The following CARMIL1 variants were observed in gnomAD, a reference collection of about 807,000 sequenced individuals.
CARMIL1 encodes F-actin-uncapping protein LRRC16A.
CARMIL1 carries 90 observed loss-of-function variants against 177.1 expected under a neutral mutation model. The ratio of observed to expected loss-of-function variants is 0.51; its 90% CI spans 0.43 to 0.61. CARMIL1 has a LOEUF of 0.61. CARMIL1 is among the 20% of genes least tolerant of loss of function. The probability of loss-of-function intolerance (pLI) is 0.00; values close to 1 mark genes in which losing one functional copy is unlikely to be tolerated. For synonymous variants in CARMIL1, 577 were observed against 606.2 expected, an observed-to-expected ratio of 0.95 and a Z score of 0.71; for missense variants, 1,380 against 1,667.0, an observed-to-expected ratio of 0.83 and a Z score of 3.00.
At chr6:25,285,105 A>T (rs1781431681) in intron 2 of CARMIL1, among the ~76,000 whole-genome samples, 196 bp downstream of exon 2, 1 of 152,188 alleles carries the variant, frequency 6.6e-6, no homozygotes, top group Non-Finnish European at 1.5e-5. Flanking sequence ...AATTTTAAAG[A>T]TCAAAGGCTT....
chr6:25,407,996 G>A lies in CARMIL1; in HGVS notation c.139-12118G>A, dbSNP rs537845982. Among the ~76,000 whole-genome samples the A allele has an allele frequency of 8.5e-5, 13 of 152,234 alleles. No individual in the cohort carries two copies. The East Asian group carries it at 2.3e-3, about 27-fold the overall frequency. ...CCTGTCACGCCAGCCTCTCTGGCCC[G>A]TGGATCACACTGTGAGGGCCAGGTG... On this transcript the variant is annotated intron_variant, in intron 2 of 36. Coordinates refer to ENST00000329474, the MANE Select transcript of CARMIL1 (RefSeq NM_017640.6).
chr6:25,316,094 T>C (rs781547963), intron 2 of CARMIL1, among the ~76,000 whole-genome samples: 1 of 152,230 alleles, frequency 6.6e-6, no homozygotes, highest in Non-Finnish European at 1.5e-5. Flanking sequence ...ATAAGGTTTG[T>C]AGATAACATT....
At chr6:25,506,439 G>A (rs185374236) in intron 17 of CARMIL1, among the ~76,000 whole-genome samples, 1 of 152,296 alleles carries the variant, frequency 6.6e-6, no homozygotes, top group African/African-American at 2.4e-5. Context: ...CCAGCTACTT[G>A]GGAGGCTGAG....
chr6:25,538,501 A>G (rs1808542657), intron 25 of CARMIL1, among the ~76,000 whole-genome samples: 1 of 152,198 alleles, frequency 6.6e-6, no homozygotes, highest in Admixed American at 6.5e-5. Context: ...GTGATACAAT[A>G]AGAGATGTAT....
intron 11 of CARMIL1, among the ~76,000 whole-genome samples, chr6:25,478,689 G>A (rs919372062): frequency 4.6e-5 from 7 of 151,950 alleles, no homozygotes; most frequent in Admixed American, 2.6e-4. Context: ...TCAGCTACTC[G>A]GGAGGCTGAG....
At chr6:25,289,406 T>C (rs947795193) in intron 2 of CARMIL1, among the ~76,000 whole-genome samples, 3 of 152,252 alleles carry the variant, frequency 2.0e-5, no homozygotes, top group African/African-American at 7.2e-5. Flanking sequence ...TTTTCATTTT[T>C]AAATAATTGT....
intron 12 of CARMIL1, among the ~76,000 whole-genome samples, chr6:25,486,281 A>G (rs781476938): frequency 2.0e-5 from 3 of 152,100 alleles, no homozygotes; most frequent in Non-Finnish European, 4.4e-5. Context: ...GCATGGGATT[A>G]GGGGGCAGCT....
At chr6:25,319,764 CTTTTT>C (rs10625095) in intron 2 of CARMIL1, among the ~76,000 whole-genome samples, 136 of 118,700 alleles carry the variant, frequency 1.1e-3, no homozygotes, top group Non-Finnish European at 2.0e-3. Context: ...CATTTGGTCA[CTTTTT>C]TTTTTTTTTT....
At chr6:25,545,759 A>G (rs550118739) in intron 26 of CARMIL1, among the ~76,000 whole-genome samples, 1 of 152,184 alleles carries the variant, frequency 6.6e-6, no homozygotes, top group Non-Finnish European at 1.5e-5. Flanking sequence ...AAAGATAACT[A>G]AAAAAGAGCC....
intron 5 of CARMIL1, among the ~76,000 whole-genome samples, chr6:25,438,475 A>C (rs1299242980): frequency 2.0e-5 from 3 of 152,166 alleles, no homozygotes; most frequent in Non-Finnish European, 4.4e-5. Context: ...TAAAGAATAA[A>C]CTTCTGTCTC....
intron 4 of CARMIL1, 90 bp from the exon 5 acceptor site, chr6:25,435,393 T>G: frequency 2.1e-6 from 3 of 1,411,816 alleles, no homozygotes; most frequent in Non-Finnish European, 2.8e-6. Flanking sequence ...AGTATATATC[T>G]GTGTGACTAT....
intron 26 of CARMIL1, among the ~76,000 whole-genome samples, chr6:25,545,705 C>T (rs1186363265): frequency 1.3e-5 from 2 of 151,924 alleles, no homozygotes; most frequent in Non-Finnish European, 2.9e-5. Context: ...TTTCAGAGAC[C>T]GTATTTTCTG....
At chr6:25,282,937 A>G (rs2744280) in intron 1 of CARMIL1, among the ~76,000 whole-genome samples, 7,572 of 152,296 alleles carry the variant, frequency 0.05, 590 homozygotes, top group African/African-American at 0.17. Context: ...CTGACATACA[A>G]GAGGTACTCC....
At chr6:25,557,708 C>G (rs1423787434) in intron 29 of CARMIL1, among the ~76,000 whole-genome samples, 1 of 152,094 alleles carries the variant, frequency 6.6e-6, no homozygotes, top group African/African-American at 2.4e-5. Flanking sequence ...TTAGATGAAG[C>G]CATTGTTAAG....
At chr6:25,342,889 A>G (rs1787087784) in intron 2 of CARMIL1, among the ~76,000 whole-genome samples, 2 of 152,180 alleles carry the variant, frequency 1.3e-5, no homozygotes, top group African/African-American at 4.8e-5. Context: ...CTGCACACGT[A>G]GTTTACTGGT....
intron 2 of CARMIL1, among the ~76,000 whole-genome samples, chr6:25,291,498 T>C (rs79861639): frequency 0.027 from 4,120 of 152,344 alleles, 68 homozygotes; most frequent in Non-Finnish European, 0.038. Context: ...TTTTCTAGTT[T>C]GCCAGTCTCT....
intron 12 of CARMIL1, among the ~76,000 whole-genome samples, chr6:25,486,723 G>A (rs1296442203): frequency 1.3e-5 from 2 of 151,920 alleles, no homozygotes; most frequent in Non-Finnish European, 2.9e-5. Flanking sequence ...TTTTGTTCTT[G>A]CCCCATTGAT....
intron 2 of CARMIL1, among the ~76,000 whole-genome samples, chr6:25,395,705 A>G (rs569000677): frequency 1.3e-5 from 2 of 152,340 alleles, no homozygotes; most frequent in Admixed American, 1.3e-4. Context: ...GATCTGCCTA[A>G]GCATTTGCAA....
rs527429415 is a variant in CARMIL1 at position 25,419,729 on chromosome 6, G to A, written c.139-385G>A. Among the ~76,000 whole-genome samples, 28 of 152,308 alleles carry A rather than the reference G, an allele frequency of 1.8e-4. No individual in the cohort carries two copies. The South Asian group carries it at 5.2e-3, about 28-fold the overall frequency. On this transcript the variant is annotated intron_variant, in intron 2 of 36. Transcript: ENST00000329474. ...TGTTTGTAATTTGGGAAGTGCAAAT[G>A]AGTACTTAGTTGTTGTTTTTTTTCC...
Sources: allele counts gnomAD v4.1 joint callset (sites outside exome capture counted in the v4.1 genomes callset), GRCh38; gene constraint gnomAD v4.1.1; transcripts MANE v1.5; gene names NCBI Gene and HGNC (gene_info 2026-07-23, HGNC 2026-07-21).